Variants in SPMIP2 observed in about 807,000 individuals in gnomAD.
SPMIP2 encodes the protein protein SPMIP2.
At chr4:159,044,763 G>A in the SPMIP2 span, among the ~76,000 whole-genome samples, 1 of 152,176 alleles carries the variant, frequency 6.6e-6, no homozygotes, top group East Asian at 1.9e-4. Context: ...ATGGGACAAG[G>A]GTGGCACAAG....
chr4:158,952,872 T>C, the SPMIP2 span, among the ~76,000 whole-genome samples: 6 of 152,122 alleles, frequency 3.9e-5, no homozygotes, highest in African/African-American at 1.4e-4. Context: ...GCCCTAGAGA[T>C]TTGTGGATCT....
At chr4:159,060,280 G>A in the SPMIP2 span, among the ~76,000 whole-genome samples, 2 of 152,186 alleles carry the variant, frequency 1.3e-5, no homozygotes, top group Non-Finnish European at 2.9e-5. Context: ...GGCCTAGTGG[G>A]GAGGGGAGCA....
chr4:158,955,388 T>C, the SPMIP2 span, among the ~76,000 whole-genome samples: 1 of 152,218 alleles, frequency 6.6e-6, no homozygotes, highest in Non-Finnish European at 1.5e-5. Context: ...ATTAATTGTA[T>C]AACACACCAT....
the SPMIP2 span, among the ~76,000 whole-genome samples, chr4:159,064,053 A>G: frequency 6.6e-6 from 1 of 152,180 alleles, no homozygotes; most frequent in Non-Finnish European, 1.5e-5. Flanking sequence ...AATGTTCAAA[A>G]CAAATCTCTT....
At chr4:159,030,468 TTTATTTA>T in the SPMIP2 span, among the ~76,000 whole-genome samples, 13 of 4,522 alleles carry the variant, frequency 2.9e-3, no homozygotes, top group African/African-American at 0.025. Context: ...CAAAATTTTA[TTTATTTA>T]TTTATTTATT....
chr4:159,018,683 T>C, the SPMIP2 span, among the ~76,000 whole-genome samples: 2 of 152,220 alleles, frequency 1.3e-5, no homozygotes, highest in Admixed American at 6.5e-5. Flanking sequence ...CTGGCAAAAT[T>C]TGAGGTCATC....
chr4:158,946,177 C>T, the SPMIP2 span, among the ~76,000 whole-genome samples: 1 of 152,190 alleles, frequency 6.6e-6, no homozygotes, highest in Non-Finnish European at 1.5e-5. Context: ...CTGAAATGAA[C>T]TGATTTTTCC....
chr4:158,984,165 A>C, the SPMIP2 span, among the ~76,000 whole-genome samples: 21,051 of 72,656 alleles, frequency 0.29, 3,167 homozygotes, highest in Middle Eastern at 0.33. Context: ...GTGACCTACA[A>C]AGAGACTTAG....
chr4:158,903,878 A>G, the SPMIP2 span, among the ~76,000 whole-genome samples: 1 of 152,038 alleles, frequency 6.6e-6, no homozygotes, highest in Non-Finnish European at 1.5e-5. Context: ...GCTGTAAGAG[A>G]GGCAGCCAAA....
At chr4:158,927,026 G>T in the SPMIP2 span, among the ~76,000 whole-genome samples, 1 of 152,132 alleles carries the variant, frequency 6.6e-6, no homozygotes, top group Non-Finnish European at 1.5e-5. Flanking sequence ...AAAAATGTGA[G>T]TGGGGTATTT....
the SPMIP2 span, among the ~76,000 whole-genome samples, chr4:158,969,783 T>C: frequency 1.3e-5 from 2 of 152,142 alleles, no homozygotes; most frequent in Admixed American, 6.6e-5. Flanking sequence ...AGCAGTAAAT[T>C]AGGCAGAACA....
At chr4:158,937,891 T>A in the SPMIP2 span, among the ~76,000 whole-genome samples, 1 of 152,342 alleles carries the variant, frequency 6.6e-6, no homozygotes, top group Admixed American at 6.5e-5. Context: ...GGATAATCAG[T>A]TGTTCATGAT....
chr4:159,005,687 C>A, the SPMIP2 span, among the ~76,000 whole-genome samples: 2 of 152,156 alleles, frequency 1.3e-5, no homozygotes, highest in African/African-American at 2.4e-5. Flanking sequence ...TTGTTAATAA[C>A]TTTCAATATT....
At chr4:159,058,359 C>T in the SPMIP2 span, among the ~76,000 whole-genome samples, 1 of 151,996 alleles carries the variant, frequency 6.6e-6, no homozygotes, top group Admixed American at 6.6e-5. Flanking sequence ...ATGCCAAGTA[C>T]TAGCAAAAGA....
chr4:158,990,882 C>T, the SPMIP2 span, among the ~76,000 whole-genome samples: 136 of 143,868 alleles, frequency 9.5e-4, no homozygotes, highest in African/African-American at 3.2e-3. Flanking sequence ...TAATAAAAAA[C>T]GTTTGCAGAT....
chr4:158,996,072 C>A, the SPMIP2 span, among the ~76,000 whole-genome samples: 1 of 152,082 alleles, frequency 6.6e-6, no homozygotes, highest in Non-Finnish European at 1.5e-5. Context: ...GCTTTGGAAC[C>A]TCTTTAGCAT....
At chr4:158,983,643 A>T in the SPMIP2 span, among the ~76,000 whole-genome samples, 1 of 70,718 alleles carries the variant, frequency 1.4e-5, no homozygotes, top group Non-Finnish European at 2.8e-5. Flanking sequence ...TCCTGAAGAA[A>T]GCACTAAACA....
the SPMIP2 span, among the ~76,000 whole-genome samples, chr4:158,941,738 T>C: frequency 6.6e-6 from 1 of 152,190 alleles, no homozygotes; most frequent in Non-Finnish European, 1.5e-5. Flanking sequence ...AATTAAACTA[T>C]CAACTAGAAA....
At chr4:158,939,801 T>C in the SPMIP2 span, among the ~76,000 whole-genome samples, 1 of 151,912 alleles carries the variant, frequency 6.6e-6, no homozygotes, top group Non-Finnish European at 1.5e-5. Flanking sequence ...ATTGTGCCAC[T>C]GCACTCCAGC....
Sources: allele counts gnomAD v4.1 joint callset (sites outside exome capture counted in the v4.1 genomes callset), GRCh38; gene constraint gnomAD v4.1.1; transcripts MANE v1.5; gene names NCBI Gene and HGNC (gene_info 2026-07-23, HGNC 2026-07-21).